LRP1B: variants seen among roughly 807,000 people sequenced by gnomAD.
The protein encoded by LRP1B is low-density lipoprotein receptor-related protein 1B.
Under a neutral mutation model 556.6 loss-of-function variants are expected in LRP1B, and 217 were observed. That is an observed-to-expected ratio of 0.39 (90% confidence interval 0.35 to 0.44). The LOEUF (loss-of-function observed/expected upper bound fraction) is 0.44, where lower values mean the gene tolerates loss of function less well. LRP1B is among the 20% of genes least tolerant of loss of function. The pLI is 1.00. For synonymous variants in LRP1B, 2,047 were observed against 1,865.8 expected, an observed-to-expected ratio of 1.10 and a Z score of -2.50; for missense variants, 5,053 against 5,620.8, an observed-to-expected ratio of 0.90 and a Z score of 3.23.
intron 1 of LRP1B, among the ~76,000 whole-genome samples, chr2:141,956,842 G>T (rs1701267645): frequency 6.6e-6 from 1 of 151,856 alleles, no homozygotes; most frequent in Non-Finnish European, 1.5e-5. Flanking sequence ...TCAGTTCTCA[G>T]CATAAAAAAA....
intron 43 of LRP1B, among the ~76,000 whole-genome samples, chr2:140,545,690 G>A (rs1211931457): frequency 2.0e-5 from 3 of 152,002 alleles, no homozygotes; most frequent in Non-Finnish European, 4.4e-5. Flanking sequence ...CTGTAGCCCT[G>A]TAGTACAGTT....
chr2:142,079,243 T>C (rs1705622175), intron 1 of LRP1B, among the ~76,000 whole-genome samples: 1 of 152,178 alleles, frequency 6.6e-6, no homozygotes, highest in Admixed American at 6.5e-5. Context: ...TTTTCACAGA[T>C]ATAAGCACTT....
At chr2:140,565,033 T>C (rs1271667261) in intron 43 of LRP1B, among the ~76,000 whole-genome samples, 1 of 151,894 alleles carries the variant, frequency 6.6e-6, no homozygotes, top group African/African-American at 2.4e-5. Flanking sequence ...TATTGCAATT[T>C]TCAGAGGAAA....
chr2:140,777,456 C>T (rs1689538314), intron 32 of LRP1B, among the ~76,000 whole-genome samples: 1 of 152,146 alleles, frequency 6.6e-6, no homozygotes, highest in South Asian at 2.1e-4. Context: ...TGAAACTAAA[C>T]CTACAAGTCA....
chr2:140,339,221 G>T (rs1326503296), intron 77 of LRP1B, among the ~76,000 whole-genome samples: 1 of 151,766 alleles, frequency 6.6e-6, no homozygotes, highest in East Asian at 2.0e-4. Flanking sequence ...TCCTTTATAG[G>T]TGTAGATTGT....
chr2:140,616,177 A>G (rs1683250156), intron 41 of LRP1B, among the ~76,000 whole-genome samples: 1 of 151,934 alleles, frequency 6.6e-6, no homozygotes, highest in Non-Finnish European at 1.5e-5. Context: ...TTTTCCCTGT[A>G]GTTATTAGCA....
intron 87 of LRP1B, among the ~76,000 whole-genome samples, chr2:140,244,284 G>T (rs1423779679): frequency 1.3e-5 from 2 of 151,156 alleles, no homozygotes; most frequent in African/African-American, 2.4e-5. Flanking sequence ...GATACAAAAT[G>T]ATAAAGACAA....
intron 7 of LRP1B, among the ~76,000 whole-genome samples, chr2:141,147,008 T>G (rs1041942377): frequency 1.3e-5 from 2 of 152,206 alleles, no homozygotes; most frequent in African/African-American, 4.8e-5. Context: ...TACTAGCTTC[T>G]GGTTAAATTC....
In LRP1B at chr2:140,323,994, A is replaced by T. The variant is rs1239809120; in HGVS notation, c.12413T>A (p.Phe4138Tyr). The change falls in exon 81 of 91, where the codon TTT (phenylalanine) becomes TAT (tyrosine). Residue 4138 changes from phenylalanine (F) to tyrosine (Y), a missense_variant. Around this residue, in one of 5 missense-constraint regions of LRP1B, gnomAD observed 551 missense variants for 592.0 expected, o/e 0.93. Coordinates refer to ENST00000389484, the MANE Select transcript of LRP1B (RefSeq NM_018557.3). ...IYGAGPKNGV[F>Y]RVQKFGHGSV... The stretch of plus-strand genomic sequence containing the variant: ...ACCATGGCCAAATTTTTGAACTCGA[A>T]ATACACCATTTTTAGGTCCTGCTCC... 1.2e-6 allele frequency: 2 copies of T among 1,609,422 alleles called. No homozygotes were observed. Among genetic ancestry groups the T allele is most frequent in the African/African-American group, 2.7e-5 (2 of 74,738 alleles).
intron 2 of LRP1B, among the ~76,000 whole-genome samples, chr2:141,551,376 C>G (rs72853579): frequency 0.018 from 2,764 of 151,902 alleles, 44 homozygotes; most frequent in Non-Finnish European, 0.029. Context: ...TAAAACTTAT[C>G]AGGGAACGTT....
At chr2:140,638,872 TTATG>T (rs1684171346) in intron 41 of LRP1B, among the ~76,000 whole-genome samples, 1 of 151,674 alleles carries the variant, frequency 6.6e-6, no homozygotes, top group African/African-American at 2.4e-5. Flanking sequence ...AAATATGAAA[TTATG>T]TATGTGTATA....
At chr2:140,949,153 G>A (rs1313588408) in intron 20 of LRP1B, among the ~76,000 whole-genome samples, 2 of 152,206 alleles carry the variant, frequency 1.3e-5, no homozygotes, top group Non-Finnish European at 2.9e-5. Flanking sequence ...GTTTGTTTAC[G>A]CTGATATTTA....
At chr2:141,573,720 AAGAG>A (rs1686624366) in intron 2 of LRP1B, among the ~76,000 whole-genome samples, 1 of 152,014 alleles carries the variant, frequency 6.6e-6, no homozygotes, top group South Asian at 2.1e-4. Flanking sequence ...CATAAAGAAG[AAGAG>A]AGAGAATAAA....
At chr2:141,255,712 C>T (rs375126469) in intron 3 of LRP1B, among the ~76,000 whole-genome samples, 1 of 151,856 alleles carries the variant, frequency 6.6e-6, no homozygotes, top group South Asian at 2.1e-4. Context: ...AAAACTGAAG[C>T]AATCAGAAGA....
chr2:140,607,500 C>A (rs1348735808), intron 41 of LRP1B, among the ~76,000 whole-genome samples: 3 of 151,856 alleles, frequency 2.0e-5, no homozygotes, highest in African/African-American at 4.8e-5. Flanking sequence ...TTGTAATAAC[C>A]AAAAGAAGAA....
intron 27 of LRP1B, among the ~76,000 whole-genome samples, chr2:140,854,584 ATAATACTCAC>A (rs1272298133): frequency 6.6e-6 from 1 of 152,352 alleles, no homozygotes; most frequent in South Asian, 2.1e-4. Context: ...AATACTGTTC[ATAATACTCAC>A]ATTTTTATAG....
intron 8 of LRP1B, among the ~76,000 whole-genome samples, chr2:141,061,457 T>G (rs1018163604): frequency 6.6e-6 from 1 of 151,782 alleles, no homozygotes; most frequent in East Asian, 1.9e-4. Flanking sequence ...AGATCTCTTT[T>G]AGGCATTCAC....
At chr2:140,939,197 C>A (rs1695320670) in intron 20 of LRP1B, among the ~76,000 whole-genome samples, 1 of 151,920 alleles carries the variant, frequency 6.6e-6, no homozygotes, top group Non-Finnish European at 1.5e-5. Flanking sequence ...ACTATGCATT[C>A]CCAGTATCAA....
chr2:140,989,434 G>T (rs770217058), intron 17 of LRP1B, 98 bp downstream of exon 17: 2 of 1,283,144 alleles, frequency 1.6e-6, no homozygotes, highest in Non-Finnish European at 2.2e-6. Context: ...CAGATCATCA[G>T]CACTAGGAAA....
Sources: allele counts gnomAD v4.1 joint callset (sites outside exome capture counted in the v4.1 genomes callset), GRCh38; gene constraint gnomAD v4.1.1; regional missense constraint gnomAD v4.1.1; transcripts MANE v1.5; gene names NCBI Gene and HGNC (gene_info 2026-07-23, HGNC 2026-07-21).